Variants in TMEM94 observed in about 807,000 individuals in gnomAD.
The protein encoded by TMEM94 is transmembrane protein 94, also known as ER Mg2+ ATPase.
A neutral mutation model predicts 158.6 loss-of-function variants in TMEM94; 81 were observed. The ratio of observed to expected loss-of-function variants is 0.51; its 90% CI spans 0.43 to 0.61. TMEM94 has a LOEUF of 0.61. TMEM94 is among the 20% of genes least tolerant of loss of function. The probability of loss-of-function intolerance (pLI) is 0.00; values close to 1 mark genes in which losing one functional copy is unlikely to be tolerated. For synonymous variants in TMEM94, 751 were observed against 730.7 expected, an observed-to-expected ratio of 1.03 and a Z score of -0.45; for missense variants, 1,435 against 1,762.0, an observed-to-expected ratio of 0.81 and a Z score of 3.32.
rs1363222492 is a variant in TMEM94, at chr17:75,464,605, TC to T, written c.-106-7193del. Among the ~76,000 whole-genome samples, 80 of 56,160 alleles carry T rather than the reference TC, an allele frequency of 1.4e-3. 6 individuals carry two copies. Among genetic ancestry groups the T allele is most frequent in the South Asian group, 5.7e-3 (7 of 1,232 alleles). The allele number at this position is 56,160 out of a possible 152,430, so 36.8% of individuals were successfully genotyped here. A position where few individuals can be genotyped will look rare whatever the true frequency, so the allele number is the denominator to read the frequency against. On this transcript the variant is annotated intron_variant, in intron 1 of 31. Transcript: ENST00000314256. ...TTTTCATTTTCTTTCTTTCTTTCTTTCCTTCCTTTCTTTCTTTCCTTCCTTC... is the reference window on the plus strand; with the variant it reads ...TTTTCATTTTCTTTCTTTCTTTCTTTCTTCCTTTCTTTCTTTCCTTCCTTC...
chr17:75,497,718 CTA>C (rs2052860817), intron 26 of TMEM94, 61 bp from the exon 27 acceptor site: 8 of 1,391,280 alleles, frequency 5.8e-6, no homozygotes, highest in Non-Finnish European at 8.2e-6. Context: ...GAGGTTCCCT[CTA>C]TGAGAATTGA....
In TMEM94 at chr17:75,495,040, G is replaced by C. The variant is rs761776682; in HGVS notation, c.2728+6G>C. On this transcript the variant is annotated splice_donor_region_variant and intron_variant, in intron 20 of 31. Coordinates refer to ENST00000314256, the MANE Select transcript of TMEM94 (RefSeq NM_014738.6). This position sits in a 1 kb window ranked among gnomAD's most constrained non-coding sequence, Gnocchi z 5.6. ...GCATGATGACCTGAATCAGGGTAAG[G>C]GCAAAGGCGTGGGGTGGGGACGGGG... 1 of 1,612,666 alleles carries C rather than the reference G, an allele frequency of 6.2e-7. No individual in the cohort carries two copies.
chr17:75,496,226 G>A (rs1390985421), intron 23 of TMEM94, 56 bp from the exon 24 acceptor site: 2 of 1,607,718 alleles, frequency 1.2e-6, no homozygotes, highest in Non-Finnish European at 1.7e-6. Context: ...AGAGGGTGGG[G>A]TGCCCAGTCC....
intron 1 of TMEM94, 31 bp from the exon 2 acceptor site, chr17:75,471,769 C>T: frequency 1.2e-6 from 1 of 842,602 alleles, no homozygotes; most frequent in Admixed American, 2.2e-5. Context: ...GTTCCAGCAA[C>T]CTGAGTGATT....
intron 31 of TMEM94, 78 bp downstream of exon 31, chr17:75,499,160 C>A: frequency 1.3e-6 from 2 of 1,586,978 alleles, no homozygotes; most frequent in East Asian, 2.2e-5. Flanking sequence ...GACACTCCCC[C>A]ACCTTTCCGC....
chr17:75,483,539 C>T (rs1231297919), intron 2 of TMEM94, among the ~76,000 whole-genome samples: 1 of 151,466 alleles, frequency 6.6e-6, no homozygotes, highest in South Asian at 2.1e-4. Flanking sequence ...TGGCTCACTG[C>T]AACCTCTGCC....
chr17:75,473,683 G>A (rs2050574803), intron 2 of TMEM94, among the ~76,000 whole-genome samples: 1 of 152,164 alleles, frequency 6.6e-6, no homozygotes, highest in African/African-American at 2.4e-5. Context: ...CTGGATAGGT[G>A]AGCCCTGACC....
chr17:75,467,528 T>TC (rs1231925757), intron 1 of TMEM94, among the ~76,000 whole-genome samples: 2 of 139,228 alleles, frequency 1.4e-5, no homozygotes, highest in African/African-American at 5.3e-5. Context: ...TTCTTTTTTT[T>TC]TTTTTTTTTT....
chr17:75,499,369 C>A lies in TMEM94; in HGVS notation c.*35C>A. On this transcript the variant is annotated 3_prime_UTR_variant, in exon 32 of 32. Coordinates refer to ENST00000314256, the MANE Select transcript of TMEM94 (RefSeq NM_014738.6). Reference sequence around the variant, plus strand: ...TGTGGTGGCTGTAGTTGCCCCCGTCCCTGGGGCTAAAGCCAGACCCATTTC... The same window carrying A: ...TGTGGTGGCTGTAGTTGCCCCCGTCACTGGGGCTAAAGCCAGACCCATTTC... 6.3e-7 allele frequency: 1 copy of A among 1,581,638 alleles called. No individual in the cohort carries two copies. The highest frequency in any genetic ancestry group is 8.7e-7 in the Non-Finnish European group (1 of 1,151,026).
intron 1 of TMEM94, among the ~76,000 whole-genome samples, chr17:75,459,070 CAAAA>C (rs376856784): frequency 6.8e-6 from 1 of 147,262 alleles, no homozygotes; most frequent in Non-Finnish European, 1.5e-5. Context: ...AAAAAAAAAA[CAAAA>C]AAAACAAAAA....
chr17:75,465,654 TTTATATA>T (rs753160749), intron 1 of TMEM94, among the ~76,000 whole-genome samples: 12,376 of 68,278 alleles, frequency 0.18, 924 homozygotes, highest in African/African-American at 0.31. Context: ...TATAAGAATT[TTTATATA>T]TATATATATA....
At chr17:75,465,677 A>AT (rs1465198234) in intron 1 of TMEM94, among the ~76,000 whole-genome samples, 10 of 84,216 alleles carry the variant, frequency 1.2e-4, no homozygotes, top group East Asian at 1.1e-3. Context: ...ATATATATAT[A>AT]TATTTTTTTT....
At chr17:75,462,460 A>G (rs2050110970) in intron 1 of TMEM94, among the ~76,000 whole-genome samples, 1 of 151,706 alleles carries the variant, frequency 6.6e-6, no homozygotes, top group Non-Finnish European at 1.5e-5. Flanking sequence ...TGTATTAATT[A>G]TCTCCATAAT....
Position 75,486,425 on chromosome 17 carries a change from A to C in TMEM94, c.408A>C (p.Gln136His), listed in dbSNP as rs370748075. 1 of 1,614,200 alleles carries C rather than the reference A, an allele frequency of 6.2e-7. No homozygotes were observed. The highest frequency in any genetic ancestry group is 1.1e-5 in the South Asian group (1 of 91,088). Residue 136 changes from glutamine (Q) to histidine (H), a missense_variant and splice_region_variant, in exon 5 of 32, where the codon CAA becomes CAC. Transcript: ENST00000314256. ...TGCGAGGGATCATTGACCAAATCCA[A>C]GGTGAGGTCAAGGGCAGGCATATTG... is the stretch of plus-strand genomic sequence containing the variant. Reference protein sequence around the residue: ...RRLRGIIDQIQDALRDGREIQ... With the variant: ...RRLRGIIDQIHDALRDGREIQ...
At chr17:75,472,696 T>C (rs371967352) in intron 2 of TMEM94, among the ~76,000 whole-genome samples, 10 of 152,300 alleles carry the variant, frequency 6.6e-5, no homozygotes, top group East Asian at 1.9e-4. Flanking sequence ...ACAAAACTGG[T>C]CAGTGGTTCC....
At chr17:75,462,050 G>C (rs2050098816) in intron 1 of TMEM94, among the ~76,000 whole-genome samples, 1 of 89,996 alleles carries the variant, frequency 1.1e-5, no homozygotes, top group African/African-American at 4.3e-5. Flanking sequence ...TTGCTCTGTT[G>C]CCCAGGCTGG....
chr17:75,499,041 TGTG>T lies in TMEM94; in HGVS notation c.3964_3966del (p.Val1322del), dbSNP rs1177085733. Reference sequence around the variant, plus strand: ...TCCTGGGCTGCCTGTCCCTGGTCCTTGTGGTGGTGACCAATGAGATCGTGAAGC... The same window carrying T: ...TCCTGGGCTGCCTGTCCCTGGTCCTTGTGGTGACCAATGAGATCGTGAAGC... On this transcript the variant is annotated inframe_deletion, in exon 31 of 32. Transcript: ENST00000314256. 1 of 1,600,152 alleles carries T rather than the reference TGTG, an allele frequency of 6.2e-7. No homozygotes were observed. Among genetic ancestry groups the T allele is most frequent in the Admixed American group, 1.7e-5 (1 of 59,470 alleles).
chr17:75,480,628 G>T (rs898493004), intron 2 of TMEM94, among the ~76,000 whole-genome samples: 5 of 152,206 alleles, frequency 3.3e-5, no homozygotes, highest in Non-Finnish European at 5.9e-5. Flanking sequence ...AGATCTTCAG[G>T]CCTGACCAAA....
chr17:75,478,573 T>G (rs1007049380), intron 2 of TMEM94, among the ~76,000 whole-genome samples: 3 of 151,988 alleles, frequency 2.0e-5, no homozygotes, highest in East Asian at 1.9e-4. Flanking sequence ...ATGGATAGAG[T>G]TCTTTCACCA....
Sources: allele counts gnomAD v4.1 joint callset (sites outside exome capture counted in the v4.1 genomes callset), GRCh38; gene constraint gnomAD v4.1.1; non-coding constraint Gnocchi (gnomAD v3.1); transcripts MANE v1.5; gene names NCBI Gene and HGNC (gene_info 2026-07-23, HGNC 2026-07-21).